MTOR: variants seen among roughly 807,000 people sequenced by gnomAD.
MTOR encodes the protein serine/threonine-protein kinase mTOR.
In MTOR, 70 loss-of-function variants were observed where a neutral mutation model predicts 319.8. The observed-to-expected ratio is 0.22, with a 90% CI of 0.18 to 0.27. The LOEUF is 0.27. Among genes scored for constraint, MTOR ranks in the 10% least tolerant of loss-of-function variants. MTOR has a pLI of 1.00. For synonymous variants in MTOR, 1,183 were observed against 1,211.4 expected, an observed-to-expected ratio of 0.98 and a Z score of 0.49; for missense variants, 1,890 against 3,274.4, an observed-to-expected ratio of 0.58 and a Z score of 10.32.
At chr1:11,170,965 G>C (rs1243915122) in intron 28 of MTOR, among the ~76,000 whole-genome samples, 1 of 151,812 alleles carries the variant, frequency 6.6e-6, no homozygotes, top group East Asian at 1.9e-4. Flanking sequence ...CTGAGGCCGA[G>C]GTGGGTGGAT....
At chr1:11,191,834 C>T (rs1191587225) in intron 28 of MTOR, among the ~76,000 whole-genome samples, 1 of 152,158 alleles carries the variant, frequency 6.6e-6, no homozygotes, top group East Asian at 1.9e-4. Context: ...AAACAACCAA[C>T]CAGGAAACAT....
chr1:11,146,923 C>A, intron 31 of MTOR, 132 bp from the exon 32 acceptor site: 5 of 652,282 alleles, frequency 7.7e-6, no homozygotes, highest in Non-Finnish European at 8.1e-6. Flanking sequence ...AAACTTGAGC[C>A]TCATGTACCA....
intron 28 of MTOR, among the ~76,000 whole-genome samples, chr1:11,197,997 G>C (rs1397360686): frequency 6.6e-6 from 1 of 152,186 alleles, no homozygotes; most frequent in Non-Finnish European, 1.5e-5. Flanking sequence ...ATAACTTTAA[G>C]TTTTTATGAT....
At chr1:11,164,429 C>A (rs1299698428) in intron 29 of MTOR, among the ~76,000 whole-genome samples, 1 of 151,002 alleles carries the variant, frequency 6.6e-6, no homozygotes, top group Non-Finnish European at 1.5e-5. Context: ...ACCGATCCCA[C>A]AGAAATACAA....
At chr1:11,138,037 G>A (rs1407642153) in intron 36 of MTOR, among the ~76,000 whole-genome samples, 1 of 152,162 alleles carries the variant, frequency 6.6e-6, no homozygotes, top group Non-Finnish European at 1.5e-5. Flanking sequence ...TAATTCCACA[G>A]AATTTGGGCT....
chr1:11,134,545 A>T, intron 36 of MTOR, 79 bp from the exon 37 acceptor site: 1 of 1,206,372 alleles, frequency 8.3e-7, no homozygotes, highest in South Asian at 1.3e-5. Flanking sequence ...TTCATCTGAT[A>T]GGCATGAGTC....
intron 31 of MTOR, 113 bp downstream of exon 31, chr1:11,150,013 T>C (rs554746961): frequency 6.2e-6 from 5 of 801,428 alleles, no homozygotes; most frequent in East Asian, 2.7e-5. Context: ...AGACCATTTT[T>C]ACCCTTCCAT....
intron 36 of MTOR, among the ~76,000 whole-genome samples, chr1:11,136,186 A>C (rs937856623): frequency 1.3e-5 from 2 of 152,230 alleles, no homozygotes; most frequent in African/African-American, 4.8e-5. Context: ...GGCCTTGAAG[A>C]AAATGAAACT....
At chr1:11,253,088 G>A (rs150493833) in intron 6 of MTOR, among the ~76,000 whole-genome samples, 29 of 152,224 alleles carry the variant, frequency 1.9e-4, no homozygotes, top group South Asian at 1.9e-3. Flanking sequence ...AGGACCCCGC[G>A]GTGGCCCTGC....
Position 11,157,154 on chromosome 1 carries a change from T to C in MTOR, c.4467A>G (p.Glu1489=), listed in dbSNP as rs2100566818. The C allele has an allele frequency of 6.2e-7, 1 of 1,601,582 alleles. No individual in the cohort carries two copies. The change falls in exon 30 of 58, where the codon GAA becomes GAG. Residue 1489 remains glutamate, a splice_region_variant and synonymous_variant. Transcript: ENST00000361445. ...GRMRCLEALG[E]WGQLHQQCCE... is the part of the protein sequence containing the mutation. ...TGCCATCATTCTAGGAAGCTCACCA[T>C]TCCCCCAAGGCCTCGAGGCAGCGCA...
chr1:11,195,546 T>A (rs965393153), intron 28 of MTOR: 1 of 154,914 alleles, frequency 6.5e-6, no homozygotes, highest in African/African-American at 2.4e-5. Context: ...TACACATTAT[T>A]TTTAAAACAC....
chr1:11,163,563 C>G, intron 29 of MTOR, among the ~76,000 whole-genome samples: 1 of 152,182 alleles, frequency 6.6e-6, no homozygotes, highest in Admixed American at 6.5e-5. Flanking sequence ...TGTAAAAGAA[C>G]AGAAATTATA....
chr1:11,241,320 C>CAAAAAA (rs750527139), intron 10 of MTOR, among the ~76,000 whole-genome samples: 1 of 52,962 alleles, frequency 1.9e-5, no homozygotes. Flanking sequence ...GACCCCTTCT[C>CAAAAAA]AAAAAAAAAA....
At chr1:11,229,376 C>A (rs1220082824) in intron 18 of MTOR, among the ~76,000 whole-genome samples, 1 of 152,176 alleles carries the variant, frequency 6.6e-6, no homozygotes, top group East Asian at 1.9e-4. Flanking sequence ...ACAGTAAGGA[C>A]CTCAAGGACT....
chr1:11,141,119 C>T (rs1251763174), intron 34 of MTOR, among the ~76,000 whole-genome samples: 1 of 151,614 alleles, frequency 6.6e-6, no homozygotes, highest in East Asian at 1.9e-4. Context: ...CTTAGAAATT[C>T]TTCTTTCTTT....
rs1645897885 is a variant in MTOR, at chr1:11,199,715, G to C, written c.3945-12C>G. 3 of 1,612,702 alleles carry C rather than the reference G, an allele frequency of 1.9e-6. No individual in the cohort carries two copies. Among genetic ancestry groups the C allele is most frequent in the African/African-American group, 2.7e-5 (2 of 74,912 alleles). On this transcript the variant is annotated splice_polypyrimidine_tract_variant and intron_variant, in intron 26 of 57. Coordinates refer to ENST00000361445, the MANE Select transcript of MTOR (RefSeq NM_004958.4). The surrounding 1 kb of genome is among the most constrained non-coding windows in gnomAD (Gnocchi z 4.5). ...CATTGAAGAGATCCCTGAAGGCAGA[G>C]AAGGTGGAAAATGGAGAGACCTCCC...
chr1:11,227,297 CAAAAAAAAAAAAAAAA>C (rs59546882), intron 19 of MTOR, among the ~76,000 whole-genome samples: 2 of 74,054 alleles, frequency 2.7e-5, no homozygotes, highest in Middle Eastern at 6.0e-3. Flanking sequence ...GACTTTGTCT[CAAAAAAAAAAAAAAAA>C]AAAAAAAAAA....
At position 11,129,309 on chromosome 1, in the gene MTOR, G is replaced by A. The variant is rs368265468; in HGVS notation, c.5715-358C>T. Among the ~76,000 whole-genome samples the A allele has an allele frequency of 3.3e-4, 50 of 152,336 alleles. No homozygotes were observed. The South Asian group carries it at 8.3e-3, about 25-fold the overall frequency. ...AGGGACACCTGGCTCTTAGCTGGCT[G>A]GAGATCCTCAAATGAAGGAGGATGT... On this transcript the variant is annotated intron_variant, in intron 40 of 57. Coordinates refer to ENST00000361445, the MANE Select transcript of MTOR (RefSeq NM_004958.4). The surrounding 1 kb of genome is among the most constrained non-coding windows in gnomAD (Gnocchi z 4.7).
In MTOR at chr1:11,130,575, G is replaced by T. The variant is rs371177430; in HGVS notation, c.5567C>A (p.Thr1856Asn). Residue 1856 changes from threonine to asparagine, a missense_variant, in exon 39 of 58, where the codon ACC becomes AAC. Physicochemically the swap from Thr to Asn is moderately conservative, Grantham distance 65 (BLOSUM62 0). This residue lies in a region of MTOR where 91 missense variants were observed against 90.4 expected (regional missense o/e 1.01). Transcript: ENST00000361445. ...GSNSESEAES[T>N]ENSPTPSPLQ... ...CGGCGATGGGGTGGGGCTGTTCTCG[G>T]TGCTCTCGGCCTCGCTCTCACTGTT... 1 of 1,613,580 alleles carries T rather than the reference G, an allele frequency of 6.2e-7. No homozygotes were observed.
Sources: allele counts gnomAD v4.1 joint callset (sites outside exome capture counted in the v4.1 genomes callset), GRCh38; gene constraint gnomAD v4.1.1; regional missense constraint gnomAD v4.1.1; non-coding constraint Gnocchi (gnomAD v3.1); transcripts MANE v1.5; gene names NCBI Gene and HGNC (gene_info 2026-07-23, HGNC 2026-07-21).